Variants in NUP93 observed in about 807,000 individuals in gnomAD.
NUP93 encodes nuclear pore complex protein Nup93.
In NUP93, 55 loss-of-function variants were observed where a neutral mutation model predicts 107.8. The observed-to-expected ratio is 0.51, with a 90% confidence interval of 0.41 to 0.64. NUP93 has a LOEUF of 0.64. Among genes scored for constraint, NUP93 ranks in the 30% least tolerant of loss-of-function variants. The probability of loss-of-function intolerance (pLI) is 0.00; values close to 1 mark genes in which losing one functional copy is unlikely to be tolerated. For synonymous variants in NUP93, 390 were observed against 397.5 expected, an observed-to-expected ratio of 0.98 and a Z score of 0.22; for missense variants, 937 against 1,044.7, an observed-to-expected ratio of 0.90 and a Z score of 1.42.
At chr16:56,754,320 C>T (rs1294578762) in intron 2 of NUP93, among the ~76,000 whole-genome samples, 3 of 152,158 alleles carry the variant, frequency 2.0e-5, no homozygotes, top group African/African-American at 7.2e-5. Context: ...TCATTCCACA[C>T]CTAGCCCCTC....
intron 1 of NUP93, among the ~76,000 whole-genome samples, chr16:56,744,459 CAAT>C (rs1319331812): frequency 1.3e-5 from 2 of 152,076 alleles, no homozygotes; most frequent in African/African-American, 4.8e-5. Flanking sequence ...TTTAATTGCA[CAAT>C]GATGGTAACA....
At chr16:56,788,751 G>A (rs1015997220) in intron 3 of NUP93, among the ~76,000 whole-genome samples, 12 of 152,204 alleles carry the variant, frequency 7.9e-5, no homozygotes, top group African/African-American at 2.9e-4. Flanking sequence ...CAACAGATGC[G>A]CTAAGCAGCC....
Position 56,840,938 on chromosome 16 carries a change from A to T in NUP93, c.2221-767A>T, listed in dbSNP as rs562670369. ...CTTGAACCCGGGAAGCAAAGGTTGC[A>T]GTGAGCCGAGATTGCGCCACTTCAC... On this transcript the variant is annotated intron_variant, in intron 20 of 21. Transcript: ENST00000308159. Among the ~76,000 whole-genome samples, 199 of 151,882 alleles carry T rather than the reference A, an allele frequency of 1.3e-3. 1 individual carries two copies. The highest frequency in any genetic ancestry group is 4.6e-3 in the African/African-American group (192 of 41,424).
intron 3 of NUP93, among the ~76,000 whole-genome samples, chr16:56,785,797 A>G (rs1962613914): frequency 1.3e-5 from 2 of 152,216 alleles, no homozygotes; most frequent in Non-Finnish European, 2.9e-5. Flanking sequence ...GAGATTTTCG[A>G]AGTAAAGATT....
rs1307866490 is a variant in NUP93, at chr16:56,846,828, T to C, written c.*2219T>C. 6.6e-6 allele frequency: 1 copy of C among 152,230 alleles called. No individual in the cohort carries two copies. The highest frequency in any genetic ancestry group is 1.5e-5 in the Non-Finnish European group (1 of 68,042). The allele number at this position is 152,230 out of a possible 1,614,324, so 9.4% of individuals were successfully genotyped here. A position where few individuals can be genotyped will look rare whatever the true frequency, so the allele number is the denominator to read the frequency against. On this transcript the variant is annotated 3_prime_UTR_variant, in exon 22 of 22. Transcript: ENST00000308159. ...ATAACAATGCCACAAATGAGAAGGC[T>C]CAAGTTGTTTAAATACATGTTTGCT...
At position 56,811,802 on chromosome 16, in the gene NUP93, C is replaced by T. The variant is rs576125301; in HGVS notation, c.489+6170C>T. Among the ~76,000 whole-genome samples the T allele has an allele frequency of 1.1e-4, 17 of 152,240 alleles. No homozygotes were observed. In the South Asian group the frequency reaches 2.7e-3, roughly 24 times the overall value. On this transcript the variant is annotated intron_variant, in intron 5 of 21. Coordinates refer to ENST00000308159, the MANE Select transcript of NUP93 (RefSeq NM_014669.5). ...TGTCTTCCTTAAAAAACTGTTGTTA[C>T]GTAAGGAATGTAGACTATGTAAAGT...
rs953977070 is a variant in NUP93 at position 56,834,957 on chromosome 16, A to C, written c.1782+179A>C. On this transcript the variant is annotated intron_variant, in intron 16 of 21. Transcript: ENST00000308159. ...AAATGATGACCTTGGTTTTACACAC[A>C]CTTATATCTCCTTAAAATATGTTAA... Among the ~76,000 whole-genome samples, 13 of 152,218 alleles carry C rather than the reference A, an allele frequency of 8.5e-5. No homozygotes were observed. The East Asian group carries it at 2.5e-3, about 29-fold the overall frequency.
intron 20 of NUP93, 89 bp from the exon 21 acceptor site, chr16:56,841,616 C>A: frequency 6.6e-7 from 1 of 1,519,002 alleles, no homozygotes; most frequent in Non-Finnish European, 8.9e-7. Flanking sequence ...TGCAACCAGG[C>A]CTGCCTGGAG....
At chr16:56,790,788 A>G (rs1384840684) in intron 3 of NUP93, among the ~76,000 whole-genome samples, 3 of 152,232 alleles carry the variant, frequency 2.0e-5, no homozygotes, top group Non-Finnish European at 4.4e-5. Flanking sequence ...TAACTTTAGT[A>G]CCAACTGAAT....
intron 21 of NUP93, among the ~76,000 whole-genome samples, chr16:56,843,000 G>C (rs1364449738): frequency 1.3e-5 from 2 of 152,178 alleles, no homozygotes; most frequent in African/African-American, 4.8e-5. Flanking sequence ...ATGTCTGTGA[G>C]CTCTTTCCAC....
intron 1 of NUP93, among the ~76,000 whole-genome samples, chr16:56,733,736 T>A (rs1175429590): frequency 6.6e-6 from 1 of 152,172 alleles, no homozygotes; most frequent in Non-Finnish European, 1.5e-5. Flanking sequence ...TTTGATAGAT[T>A]AGAGTCCTCC....
At chr16:56,743,267 A>T (rs1379865023) in intron 1 of NUP93, among the ~76,000 whole-genome samples, 1 of 152,098 alleles carries the variant, frequency 6.6e-6, no homozygotes, top group East Asian at 1.9e-4. Flanking sequence ...GCAGTTTGGG[A>T]ATTTTCTTTC....
chr16:56,742,184 A>G (rs1401082779), intron 1 of NUP93, among the ~76,000 whole-genome samples: 1 of 152,252 alleles, frequency 6.6e-6, no homozygotes, highest in African/African-American at 2.4e-5. Flanking sequence ...TTCCCCAAAT[A>G]TGCTCTCCAA....
At chr16:56,827,978 G>A (rs1963702567) in intron 8 of NUP93, among the ~76,000 whole-genome samples, 1 of 152,004 alleles carries the variant, frequency 6.6e-6, no homozygotes, top group Admixed American at 6.5e-5. Context: ...AAATTAGCTG[G>A]GCGTGGTGGC....
At chr16:56,785,821 T>C (rs1048774532) in intron 3 of NUP93, among the ~76,000 whole-genome samples, 1 of 152,244 alleles carries the variant, frequency 6.6e-6, no homozygotes, top group Non-Finnish European at 1.5e-5. Context: ...TTAGCACTTA[T>C]ATGTAGATGG....
In NUP93 at chr16:56,838,952, G is replaced by T. The variant is rs138856805; in HGVS notation, c.2019G>T (p.Arg673=). 6.2e-7 allele frequency: 1 copy of T among 1,610,776 alleles called. No homozygotes were observed. The highest frequency in any genetic ancestry group is 2.2e-5 in the East Asian group (1 of 44,822). Residue 673 remains arginine (R), a splice_region_variant and synonymous_variant, in exon 19 of 22, where the codon CGG becomes CGT. Transcript: ENST00000308159. ...LKNMALSIAE[R]YRAQGISANK... ...CCCCCACCCCGTTTTTGTCTTTCAG[G>T]TATAGGGCTCAAGGAATAAGCGCAA... is the stretch of plus-strand genomic sequence containing the variant.
chr16:56,838,062 G>A (rs1203475852), intron 18 of NUP93, among the ~76,000 whole-genome samples: 1 of 152,234 alleles, frequency 6.6e-6, no homozygotes, highest in Non-Finnish European at 1.5e-5. Context: ...AGGCATTCAA[G>A]ACCAAAGCTA....
chr16:56,785,991 A>T lies in NUP93; in HGVS notation c.298-12485A>T, dbSNP rs553285859. Among the ~76,000 whole-genome samples, 70 of 152,322 alleles carry T rather than the reference A, an allele frequency of 4.6e-4. 1 individual carries two copies. The Middle Eastern group carries it at 0.014, about 30-fold the overall frequency. On this transcript the variant is annotated intron_variant, in intron 3 of 21. Coordinates refer to ENST00000308159, the MANE Select transcript of NUP93 (RefSeq NM_014669.5). ...AACACAGGGTGAATTTTTAGAAAAC[A>T]AAAGACAGTGTGCTTCTTTATGGTG...
At chr16:56,818,857 A>G in intron 6 of NUP93, 119 bp downstream of exon 6, 1 of 762,840 alleles carries the variant, frequency 1.3e-6, no homozygotes, top group Non-Finnish European at 2.2e-6. Context: ...TTTTTCATTT[A>G]GAGAACTAGT....
Sources: gnomAD v4.1 joint callset for allele counts (sites outside exome capture counted in the v4.1 genomes callset) on GRCh38, gnomAD v4.1.1 for gene constraint, MANE v1.5 for transcripts, NCBI Gene and HGNC (gene_info 2026-07-23, HGNC 2026-07-21) for gene names.